TEX9: variants seen among roughly 807,000 people sequenced by gnomAD.
The protein encoded by TEX9 is testis expressed 9, also known as testis-expressed protein 9.
A neutral mutation model predicts 59.6 loss-of-function variants in TEX9; 74 were observed. The observed-to-expected ratio is 1.24, with a 90% CI of 1.03 to 1.51. The LOEUF (loss-of-function observed/expected upper bound fraction) is 1.51, where lower values mean the gene tolerates loss of function less well. Among genes scored for constraint, TEX9 ranks in the 40% most tolerant of loss-of-function variants. The pLI, the probability that TEX9 is intolerant of heterozygous loss-of-function variation, is 0.00. For missense variants in TEX9, 522 were observed against 447.8 expected (o/e 1.17, Z -1.49); for synonymous variants, 186 against 152.2 (o/e 1.22, Z -1.64).
At chr15:56,412,257 C>G (rs1244556070) in intron 9 of TEX9, 45 bp from the exon 10 acceptor site, 4 of 1,540,496 alleles carry the variant, frequency 2.6e-6, no homozygotes, top group Non-Finnish European at 3.5e-6. Flanking sequence ...AAGGGGGAAA[C>G]TATGATATAT....
chr15:56,254,565 A>G (rs1303616725), intron 1 of TEX9, among the ~76,000 whole-genome samples: 4 of 151,442 alleles, frequency 2.6e-5, no homozygotes, highest in Admixed American at 6.6e-5. Flanking sequence ...TTCACCTATA[A>G]TCACAAGTTG....
intron 12 of TEX9, chr15:56,431,371 A>G (rs761637256): frequency 1.2e-6 from 2 of 1,610,656 alleles, no homozygotes; most frequent in Non-Finnish European, 1.7e-6. Flanking sequence ...AATCTCACTT[A>G]CTTTAGGGAG....
At chr15:56,401,213 C>T (rs1291047758) in intron 9 of TEX9, among the ~76,000 whole-genome samples, 2 of 146,754 alleles carry the variant, frequency 1.4e-5, no homozygotes, top group Non-Finnish European at 3.0e-5. Context: ...CAAGACCCAT[C>T]AGTGTGCTGT....
intron 1 of TEX9, among the ~76,000 whole-genome samples, chr15:56,276,871 A>G (rs755378715): frequency 6.6e-6 from 1 of 152,144 alleles, no homozygotes; most frequent in African/African-American, 2.4e-5. Context: ...AACTGGTGTG[A>G]GATGGTATTT....
At chr15:56,362,165 G>A (rs1362063299), upstream of TEX9, among the ~76,000 whole-genome samples, 1 of 152,184 alleles carries the variant, frequency 6.6e-6, no homozygotes, top group African/African-American at 2.4e-5. Flanking sequence ...ATGTCAATTA[G>A]ATCAAGCTAA....
At chr15:56,413,367 A>G (rs2049504040) in intron 10 of TEX9, among the ~76,000 whole-genome samples, 2 of 149,872 alleles carry the variant, frequency 1.3e-5, no homozygotes, top group South Asian at 4.2e-4. Flanking sequence ...CTGTTTAATA[A>G]TTAAACTATT....
exon 7 of TEX9, chr15:56,391,407 A>G: frequency 1.3e-6 from 2 of 1,525,184 alleles, no homozygotes; most frequent in Non-Finnish European, 1.8e-6. Flanking sequence ...GTTAGTAATG[A>G]CATTGGAACA....
chr15:56,317,117 C>T (rs553658624), intron 1 of TEX9, among the ~76,000 whole-genome samples: 6 of 152,334 alleles, frequency 3.9e-5, no homozygotes, highest in South Asian at 4.1e-4. Context: ...TCTTCTGCGT[C>T]GCTCACGCTG....
chr15:56,421,974 A>G (rs2049999242), intron 10 of TEX9, among the ~76,000 whole-genome samples: 1 of 151,162 alleles, frequency 6.6e-6, no homozygotes, highest in Non-Finnish European at 1.5e-5. Flanking sequence ...TCCCTTGGGT[A>G]TATACCCAGT....
chr15:56,410,406 C>A (rs2049290612), intron 9 of TEX9, among the ~76,000 whole-genome samples: 1 of 151,882 alleles, frequency 6.6e-6, no homozygotes, highest in Non-Finnish European at 1.5e-5. Flanking sequence ...AGTGGTACAT[C>A]ATTTCCTCTT....
intron 1 of TEX9, among the ~76,000 whole-genome samples, chr15:56,357,046 G>A (rs1470490778): frequency 2.6e-5 from 4 of 152,022 alleles, no homozygotes; most frequent in African/African-American, 9.7e-5. Flanking sequence ...TCATCCTCAG[G>A]CTCACTGTTT....
chr15:56,448,020 T>G (rs1205640906), downstream of TEX9, among the ~76,000 whole-genome samples: 3 of 152,226 alleles, frequency 2.0e-5, no homozygotes, highest in African/African-American at 7.2e-5. Context: ...ATTATAGATA[T>G]CCACTCGCAT....
chr15:56,266,969 A>G (rs1258084971), intron 1 of TEX9, among the ~76,000 whole-genome samples: 9 of 152,104 alleles, frequency 5.9e-5, no homozygotes, highest in African/African-American at 2.2e-4. Context: ...CTATTTCTCC[A>G]CATCCTCTCC....
chr15:56,355,006 G>A (rs2046658382), intron 1 of TEX9, among the ~76,000 whole-genome samples: 1 of 152,240 alleles, frequency 6.6e-6, no homozygotes, highest in East Asian at 1.9e-4. Flanking sequence ...TATTTTAAGT[G>A]TATAGTTTAG....
intron 12 of TEX9, among the ~76,000 whole-genome samples, chr15:56,430,513 A>G (rs1399362085): frequency 1.3e-5 from 2 of 152,076 alleles, no homozygotes; most frequent in Admixed American, 1.3e-4. Flanking sequence ...GCCAGTTACT[A>G]TTTTATTTGA....
At chr15:56,264,482 C>T (rs190927493) in intron 1 of TEX9, among the ~76,000 whole-genome samples, 6 of 152,240 alleles carry the variant, frequency 3.9e-5, no homozygotes, top group South Asian at 2.1e-4. Context: ...GAATAGGAGA[C>T]CTTTAAATGA....
At chr15:56,349,557 C>T (rs1372332393) in intron 1 of TEX9, among the ~76,000 whole-genome samples, 1 of 152,066 alleles carries the variant, frequency 6.6e-6, no homozygotes, top group East Asian at 1.9e-4. Context: ...TGCAGCGTTC[C>T]CTCAGACTAA....
At chr15:56,311,771 G>T (rs62046694) in intron 1 of TEX9, among the ~76,000 whole-genome samples, 1,755 of 103,126 alleles carry the variant, frequency 0.017, no homozygotes, top group South Asian at 0.022. Context: ...CAGTGTAAAA[G>T]TGTTCCTATT....
At chr15:56,383,010 G>A (rs1439317159) in intron 3 of TEX9, among the ~76,000 whole-genome samples, 4 of 152,138 alleles carry the variant, frequency 2.6e-5, no homozygotes, top group Non-Finnish European at 5.9e-5. Context: ...GTTTACCTAG[G>A]ACCCCAGAGC....
Sources: allele counts gnomAD v4.1 joint callset (sites outside exome capture counted in the v4.1 genomes callset), GRCh38; gene constraint gnomAD v4.1.1; transcripts MANE v1.5; gene names NCBI Gene and HGNC (gene_info 2026-07-23, HGNC 2026-07-21).